Variants in REV1 observed in about 807,000 individuals in gnomAD.
REV1 encodes the protein translesion synthesis protein REV1.
In REV1, 42 loss-of-function variants were observed where a neutral mutation model predicts 137.4. That is an observed-to-expected ratio of 0.31 (90% CI 0.24 to 0.40). REV1 has a LOEUF of 0.40. REV1 is among the 10% of genes least tolerant of loss of function. REV1 has a pLI of 1.00. For missense variants in REV1, 1,282 were observed against 1,490.1 expected (o/e 0.86, Z 2.30); for synonymous variants, 524 against 519.2 (o/e 1.01, Z -0.12).
chr2:99,425,506 A>G (rs1171510644), intron 9 of REV1, among the ~76,000 whole-genome samples: 1 of 152,198 alleles, frequency 6.6e-6, no homozygotes, highest in Non-Finnish European at 1.5e-5. Flanking sequence ...ACAACCTTGC[A>G]CTTGCCTAGA....
chr2:99,462,950 C>T (rs1476776281), intron 2 of REV1, among the ~76,000 whole-genome samples: 5 of 151,592 alleles, frequency 3.3e-5, no homozygotes, highest in Non-Finnish European at 4.4e-5. Context: ...TAGCCGGGTG[C>T]AGTGCCAAGT....
intron 12 of REV1, among the ~76,000 whole-genome samples, chr2:99,415,326 AAG>A (rs977587412): frequency 1.3e-5 from 2 of 152,224 alleles, no homozygotes; most frequent in Non-Finnish European, 2.9e-5. Context: ...AATCTCAACG[AAG>A]AGAGAGTCAA....
In REV1 at chr2:99,434,214, G is replaced by A. The variant is rs1194351523; in HGVS notation, c.1438+118C>T. Reference sequence around the variant, plus strand: ...TAACAGTGACATCCTTAAAACCCCTGAATGAAAAAGCTAATTGCTACAACT... The same window carrying A: ...TAACAGTGACATCCTTAAAACCCCTAAATGAAAAAGCTAATTGCTACAACT... On this transcript the variant is annotated intron_variant, in intron 8 of 22. Coordinates refer to ENST00000258428, the MANE Select transcript of REV1 (RefSeq NM_016316.4). 1.6e-5 allele frequency: 9 copies of A among 547,696 alleles called. No homozygotes were observed. In the East Asian group the frequency reaches 2.1e-4, roughly 13 times the overall value. 33.9% of individuals were successfully genotyped at this position (547,696 alleles called of 1,614,324 possible). A position where few individuals can be genotyped will look rare whatever the true frequency, so the allele number is the denominator to read the frequency against.
At chr2:99,410,611 C>T in intron 14 of REV1, 84 bp downstream of exon 14, 1 of 1,231,146 alleles carries the variant, frequency 8.1e-7, no homozygotes, top group African/African-American at 1.5e-5. Context: ...ATTCAAACTC[C>T]TCCTTGGTTT....
At chr2:99,437,961 ATC>A (rs1362423441) in intron 6 of REV1, among the ~76,000 whole-genome samples, 2 of 152,158 alleles carry the variant, frequency 1.3e-5, no homozygotes, top group African/African-American at 4.8e-5. Flanking sequence ...TAGAGTATTA[ATC>A]TCTGAGGTCT....
rs1676352884 is a variant in REV1, at chr2:99,406,784, T to G, written c.2449-294A>C. 4 of 210,500 alleles carry G rather than the reference T, an allele frequency of 1.9e-5. No homozygotes were observed. In the Admixed American group the frequency reaches 2.3e-4, roughly 12 times the overall value. 13.0% of individuals were successfully genotyped at this position (210,500 alleles called of 1,614,324 possible). On this transcript the variant is annotated intron_variant, in intron 15 of 22. Coordinates refer to ENST00000258428, the MANE Select transcript of REV1 (RefSeq NM_016316.4). Reference sequence around the variant, plus strand: ...CAAGTGGAATACTGTATTCCACTGATGTTCTCGTCAACTAAGGTTTTAAAT... The same window carrying G: ...CAAGTGGAATACTGTATTCCACTGAGGTTCTCGTCAACTAAGGTTTTAAAT...
chr2:99,450,100 T>C (rs547937472), intron 3 of REV1, among the ~76,000 whole-genome samples: 5 of 152,086 alleles, frequency 3.3e-5, no homozygotes, highest in African/African-American at 4.8e-5. Context: ...TGAAATTTCA[T>C]TAAGGCCAAA....
At chr2:99,458,931 G>A (rs1220795166) in intron 3 of REV1, among the ~76,000 whole-genome samples, 1 of 151,982 alleles carries the variant, frequency 6.6e-6, no homozygotes, top group Non-Finnish European at 1.5e-5. Context: ...TGTGGAGGCC[G>A]GGCGCGGTGG....
At chr2:99,443,791 G>A (rs943276871) in intron 4 of REV1, among the ~76,000 whole-genome samples, 3 of 151,576 alleles carry the variant, frequency 2.0e-5, no homozygotes, top group South Asian at 2.1e-4. Flanking sequence ...TATTAGAATC[G>A]AAACCCTAAA....
In REV1 at chr2:99,459,168, A is replaced by G. The variant is rs371448600; in HGVS notation, c.181+3328T>C. Among the ~76,000 whole-genome samples, 7 of 151,494 alleles carry G rather than the reference A, an allele frequency of 4.6e-5. No homozygotes were observed. In the East Asian group the frequency reaches 1.4e-3, roughly 30 times the overall value. ...GCTTGCAGTGAGCCGAGATCGCGCC[A>G]CTGCACTCCAGCCTGGGTGACAGAG... On this transcript the variant is annotated intron_variant, in intron 3 of 22. Transcript: ENST00000258428.
At chr2:99,434,131 G>A (rs1680442528) in intron 8 of REV1, among the ~76,000 whole-genome samples, 1 of 152,152 alleles carries the variant, frequency 6.6e-6, no homozygotes, top group Non-Finnish European at 1.5e-5. Flanking sequence ...ATCATATCTT[G>A]TAAAACATTC....
chr2:99,407,594 T>C (rs1676518623), intron 15 of REV1, among the ~76,000 whole-genome samples: 1 of 152,096 alleles, frequency 6.6e-6, no homozygotes, highest in Non-Finnish European at 1.5e-5. Flanking sequence ...TTTGACATTT[T>C]GATGCCTCTT....
At chr2:99,472,481 A>G (rs1685528681) in intron 1 of REV1, among the ~76,000 whole-genome samples, 1 of 152,254 alleles carries the variant, frequency 6.6e-6, no homozygotes, top group Non-Finnish European at 1.5e-5. Context: ...ATGTGAATGT[A>G]CTTAATGTGA....
chr2:99,424,637 C>G (rs1288287962), intron 9 of REV1: 8 of 660,276 alleles, frequency 1.2e-5, no homozygotes, highest in Non-Finnish European at 1.8e-5. Flanking sequence ...AATATGCTGT[C>G]AAAAAGAGGT....
At chr2:99,409,263 T>C (rs1676767833) in intron 14 of REV1, among the ~76,000 whole-genome samples, 1 of 152,260 alleles carries the variant, frequency 6.6e-6, no homozygotes, top group African/African-American at 2.4e-5. Context: ...AATTTATAAT[T>C]CCTGCTTTCA....
In REV1 at chr2:99,412,923, C is replaced by T; in HGVS notation, c.1980G>A (p.Leu660=). The T allele has an allele frequency of 6.2e-7, 1 of 1,613,778 alleles. No homozygotes were observed. Among genetic ancestry groups the T allele is most frequent in the Non-Finnish European group, 8.5e-7 (1 of 1,179,698 alleles). Residue 660 remains leucine, a synonymous_variant, in exon 13 of 23, where the codon TTG becomes TTA. Coordinates refer to ENST00000258428, the MANE Select transcript of REV1 (RefSeq NM_016316.4). ...CACAAGTTTTAATTCCCAAAGATGC[C>T]AACTTAGATTCCATTGAATGTCCAA... ...PGVGHSMESK[L]ASLGIKTCGD...
Position 99,431,006 on chromosome 2 carries a change from A to G in REV1, c.1439-1058T>C, listed in dbSNP as rs963078920. On this transcript the variant is annotated intron_variant, in intron 8 of 22. Transcript: ENST00000258428. Reference sequence around the variant, plus strand: ...AGTGCACTGTAACAACACATAACTAAGAAACCCAGCATTTCTCTTTTGTTT... The same window carrying G: ...AGTGCACTGTAACAACACATAACTAGGAAACCCAGCATTTCTCTTTTGTTT... Among the ~76,000 whole-genome samples, 12 of 152,340 alleles carry G rather than the reference A, an allele frequency of 7.9e-5. No homozygotes were observed. The South Asian group carries it at 2.1e-3, about 26-fold the overall frequency.
intron 10 of REV1, among the ~76,000 whole-genome samples, chr2:99,423,026 A>T (rs957684518): frequency 1.3e-5 from 2 of 152,236 alleles, no homozygotes; most frequent in South Asian, 4.1e-4. Flanking sequence ...TACCCAACTT[A>T]TAACTGGAAA....
At chr2:99,422,696 T>C (rs956540494) in intron 10 of REV1, among the ~76,000 whole-genome samples, 2 of 152,330 alleles carry the variant, frequency 1.3e-5, no homozygotes, top group African/African-American at 2.4e-5. Flanking sequence ...AGAACACTAC[T>C]GTGGATATTT....
Sources: allele counts gnomAD v4.1 joint callset (sites outside exome capture counted in the v4.1 genomes callset), GRCh38; gene constraint gnomAD v4.1.1; transcripts MANE v1.5; gene names NCBI Gene and HGNC (gene_info 2026-07-23, HGNC 2026-07-21).